The following ABCA13 variants were observed in gnomAD, a reference collection of about 807,000 sequenced individuals.
ABCA13 encodes ATP binding cassette subfamily A member 13.
ABCA13 carries 476 observed loss-of-function variants against 478.7 expected under a neutral mutation model. That is an observed-to-expected ratio of 0.99 (90% CI 0.92 to 1.07). The LOEUF (loss-of-function observed/expected upper bound fraction) is 1.07, where lower values mean the gene tolerates loss of function less well. Ranked by LOEUF, ABCA13 falls within the 50% of genes least tolerant of loss-of-function variation. ABCA13 has a pLI of 0.00. For synonymous variants in ABCA13, 2,252 were observed against 2,158.9 expected, an observed-to-expected ratio of 1.04 and a Z score of -1.20; for missense variants, 6,060 against 5,910.6, an observed-to-expected ratio of 1.03 and a Z score of -0.83.
intron 1 of ABCA13, among the ~76,000 whole-genome samples, chr7:48,180,652 C>G (rs1365164996): frequency 6.6e-6 from 1 of 152,102 alleles, no homozygotes; most frequent in African/African-American, 2.4e-5. Context: ...GTCTCGAACT[C>G]CTGACCTCAG....
chr7:48,387,825 C>T lies in ABCA13; in HGVS notation c.11339C>T (p.Thr3780Ile), dbSNP rs913355435. 21 of 1,568,950 alleles carry T rather than the reference C, an allele frequency of 1.3e-5. No homozygotes were observed. Among genetic ancestry groups the T allele is most frequent in the African/African-American group, 4.1e-5 (3 of 72,636 alleles). ...TTTTAATTGTTTCATTTTTTAGGAA[C>T]ATTTGGTTTACGGAAACCATGGTAT... ...GWYLSNLIPG[T>I]FGLRKPWYFP... The change falls in exon 36 of 62, where the codon ACA becomes ATA. Residue 3780 changes from threonine (T) to isoleucine (I), a missense_variant. This residue lies in a region of ABCA13 where 1,627 missense variants were observed against 1,571.0 expected (regional missense o/e 1.04). Coordinates refer to ENST00000435803, the MANE Select transcript of ABCA13 (RefSeq NM_152701.5).
At chr7:48,438,117 A>G (rs10234633) in intron 42 of ABCA13, among the ~76,000 whole-genome samples, 45,033 of 151,718 alleles carry the variant, frequency 0.3, 6,715 homozygotes, top group East Asian at 0.37. Context: ...AATCAGGTAA[A>G]ACAGACACTA....
In ABCA13 at chr7:48,273,747, G is replaced by T. The variant is rs753142924; in HGVS notation, c.4081G>T (p.Gly1361Cys). The change falls in exon 17 of 62, where the codon GGC becomes TGC. Residue 1361 changes from glycine to cysteine, a missense_variant. Coordinates refer to ENST00000435803, the MANE Select transcript of ABCA13 (RefSeq NM_152701.5). Reference protein sequence around the residue: ...QNVTECILEDGFLYVNTSQRM... With the variant: ...QNVTECILEDCFLYVNTSQRM... ...TGTTACTGAGTGTATTTTAGAAGAT[G>T]GCTTTTTATATGTAAATACCTCACA... 3.1e-6 allele frequency: 5 copies of T among 1,610,412 alleles called. No homozygotes were observed. The South Asian group carries it at 5.5e-5, about 18-fold the overall frequency.
chr7:48,608,115 A>G lies in ABCA13; in HGVS notation c.14745-7170A>G, dbSNP rs896187627. 2.0e-5 allele frequency among the ~76,000 whole-genome samples: 3 copies of G among 152,194 alleles called. No individual in the cohort carries two copies. The South Asian group carries it at 6.2e-4, about 32-fold the overall frequency. On this transcript the variant is annotated intron_variant, in intron 58 of 61. Coordinates refer to ENST00000435803, the MANE Select transcript of ABCA13 (RefSeq NM_152701.5). ...AGGCTGGTCTGGAACTCCTGACCTCAGGTGATCCACCCACCTCGGCTTCCC... is the reference window on the plus strand; with the variant it reads ...AGGCTGGTCTGGAACTCCTGACCTCGGGTGATCCACCCACCTCGGCTTCCC...
chr7:48,568,545 A>G (rs938796057), intron 55 of ABCA13, among the ~76,000 whole-genome samples: 37 of 152,158 alleles, frequency 2.4e-4, no homozygotes, highest in African/African-American at 8.7e-4. Context: ...ATTTTTAAAC[A>G]TCTATTTATA....
intron 59 of ABCA13, among the ~76,000 whole-genome samples, chr7:48,624,542 G>GTTGTTGTTA (rs1186740136): frequency 2.0e-5 from 3 of 150,608 alleles, no homozygotes; most frequent in African/African-American, 7.3e-5. Context: ...CGTTGTTGTT[G>GTTGTTGTTA]TTTTCTTTTT....
At chr7:48,427,924 C>A in intron 42 of ABCA13, 53 bp downstream of exon 42, 1 of 1,200,426 alleles carries the variant, frequency 8.3e-7, no homozygotes, top group Non-Finnish European at 1.2e-6. Context: ...TGACACCAGC[C>A]TTATTCAACA....
At chr7:48,639,664 G>A (rs1794964540) in intron 59 of ABCA13, among the ~76,000 whole-genome samples, 1 of 152,088 alleles carries the variant, frequency 6.6e-6, no homozygotes, top group South Asian at 2.1e-4. Flanking sequence ...GACTCCTCGT[G>A]GGGCAGATGA....
At position 48,455,585 on chromosome 7, in the gene ABCA13, A is replaced by C. The variant is rs1016448153; in HGVS notation, c.12815+299A>C. Among the ~76,000 whole-genome samples the C allele has an allele frequency of 2.0e-5, 3 of 152,326 alleles. No homozygotes were observed. The South Asian group carries it at 6.2e-4, about 32-fold the overall frequency. On this transcript the variant is annotated intron_variant, in intron 43 of 61. Coordinates refer to ENST00000435803, the MANE Select transcript of ABCA13 (RefSeq NM_152701.5). ...CGCAAGCTGTCACCCGCCGACCTGC[A>C]GAGGGCCCAGCACGCCCTGCCCCAC...
At chr7:48,575,728 G>A (rs1229084180) in intron 55 of ABCA13, among the ~76,000 whole-genome samples, 1 of 152,080 alleles carries the variant, frequency 6.6e-6, no homozygotes, top group Non-Finnish European at 1.5e-5. Context: ...CTGAGTTGTG[G>A]CTTTTGGTAC....
At position 48,272,988 on chromosome 7, in the gene ABCA13, T is replaced by C. The variant is rs775581750; in HGVS notation, c.3322T>C (p.Ser1108Pro). 3.1e-6 allele frequency: 5 copies of C among 1,613,522 alleles called. No homozygotes were observed. The Admixed American group carries it at 8.3e-5, about 27-fold the overall frequency. ...KCLISDNKHI[S>P]SVNYSTSEES... is the part of the protein sequence containing the mutation. ...CTTGATTTCGGACAATAAACACATT[T>C]CTTCCGTAAATTATTCAACAAGTGA... Residue 1108 changes from serine to proline, a missense_variant, in exon 17 of 62, where the codon TCT (serine) becomes CCT (proline). Ser to Pro is a moderately conservative substitution (Grantham distance 74). Around this residue, in one of 3 missense-constraint regions of ABCA13, gnomAD observed 4,423 missense variants for 4,309.1 expected, o/e 1.03. Coordinates refer to ENST00000435803, the MANE Select transcript of ABCA13 (RefSeq NM_152701.5).
At chr7:48,217,902 T>A (rs542642130) in intron 3 of ABCA13, among the ~76,000 whole-genome samples, 1 of 152,190 alleles carries the variant, frequency 6.6e-6, no homozygotes, top group Non-Finnish European at 1.5e-5. Flanking sequence ...CATTACCTGA[T>A]AAAAGTCTCA....
intron 51 of ABCA13, among the ~76,000 whole-genome samples, chr7:48,514,272 T>C (rs1184112945): frequency 6.6e-6 from 1 of 152,162 alleles, no homozygotes; most frequent in East Asian, 1.9e-4. Flanking sequence ...TAGCTTTACC[T>C]AAACTCCCCT....
chr7:48,616,000 A>C (rs977022806), intron 59 of ABCA13, among the ~76,000 whole-genome samples: 5 of 152,124 alleles, frequency 3.3e-5, no homozygotes, highest in Non-Finnish European at 7.4e-5. Flanking sequence ...GCATTGTTAC[A>C]TCCTGGTATA....
intron 13 of ABCA13, among the ~76,000 whole-genome samples, chr7:48,247,521 AAC>A (rs1791882510): frequency 6.6e-6 from 1 of 152,190 alleles, no homozygotes; most frequent in South Asian, 2.1e-4. Flanking sequence ...CCTAAAACAA[AAC>A]ACATTATTTT....
chr7:48,584,536 G>T (rs553536550), intron 56 of ABCA13, among the ~76,000 whole-genome samples: 3 of 152,128 alleles, frequency 2.0e-5, no homozygotes, highest in Admixed American at 1.3e-4. Flanking sequence ...GCCCATGTGG[G>T]TGAGTATATG....
intron 23 of ABCA13, 39 bp from the exon 24 acceptor site, chr7:48,309,908 A>G (rs1801505522): frequency 1.2e-6 from 2 of 1,609,878 alleles, no homozygotes; most frequent in Middle Eastern, 1.7e-4. Context: ...ACATGACGTC[A>G]TAGGTATACT....
chr7:48,555,778 A>G (rs948200690), intron 55 of ABCA13, among the ~76,000 whole-genome samples: 4 of 150,624 alleles, frequency 2.7e-5, no homozygotes, highest in African/African-American at 9.7e-5. Flanking sequence ...TATTTTATTG[A>G]TCGTTTATAT....
At chr7:48,626,972 T>A in intron 59 of ABCA13, 2 of 985,434 alleles carry the variant, frequency 2.0e-6, no homozygotes, top group Non-Finnish European at 2.4e-6. Flanking sequence ...GACGGAGGAA[T>A]AAGTAGCTGA....
Sources: gnomAD v4.1 joint callset for allele counts (sites outside exome capture counted in the v4.1 genomes callset) on GRCh38, gnomAD v4.1.1 for gene constraint, gnomAD v4.1.1 regional missense constraint, MANE v1.5 for transcripts, NCBI Gene and HGNC (gene_info 2026-07-23, HGNC 2026-07-21) for gene names.